WDR86: variants seen among roughly 807,000 people sequenced by gnomAD.
The protein encoded by WDR86 is WD repeat-containing protein 86.
A neutral mutation model predicts 36.5 loss-of-function variants in WDR86; 30 were observed. That is an observed-to-expected ratio of 0.82 (90% CI 0.61 to 1.11). WDR86 has a LOEUF of 1.11. Among genes scored for constraint, WDR86 ranks in the 50% most tolerant of loss-of-function variants. WDR86 has a pLI of 0.00. For synonymous variants in WDR86, 255 were observed against 252.9 expected, an observed-to-expected ratio of 1.01 and a Z score of -0.08; for missense variants, 545 against 561.2, an observed-to-expected ratio of 0.97 and a Z score of 0.29.
chr7:151,378,944 A>G (rs1261283482), downstream of WDR86, among the ~76,000 whole-genome samples: 6 of 152,228 alleles, frequency 3.9e-5, no homozygotes, highest in East Asian at 9.6e-4. Context: ...AGTTCTGGGC[A>G]TGCGCTATGT....
At chr7:151,408,164 T>C (rs1800862367) in intron 1 of WDR86, among the ~76,000 whole-genome samples, 1 of 151,656 alleles carries the variant, frequency 6.6e-6, no homozygotes, top group Non-Finnish European at 1.5e-5. Context: ...TTGAAATATC[T>C]GCCCTAACTA....
In WDR86 at chr7:151,385,163, C is replaced by G; in HGVS notation, c.787G>C (p.Asp263His). 3 of 1,613,198 alleles carry G rather than the reference C, an allele frequency of 1.9e-6. No homozygotes were observed. The highest frequency in any genetic ancestry group is 2.5e-6 in the Non-Finnish European group (3 of 1,179,880). ...AACGTGCGCACACACTCCCCTGTGT[C>G]TGCCAGCCAGCACTTGACGGTCCTG... ...ADRTVKCWLA[D>H]TGECVRTFTA... is the part of the protein sequence containing the mutation. Residue 263 changes from aspartate to histidine, a missense_variant, in exon 4 of 6, where the codon GAC becomes CAC. Transcript: ENST00000334493.
At chr7:151,398,636 T>C (rs1800064759) in intron 2 of WDR86, among the ~76,000 whole-genome samples, 1 of 151,872 alleles carries the variant, frequency 6.6e-6, no homozygotes, top group Non-Finnish European at 1.5e-5. Context: ...TGTGTATGAG[T>C]GTGTATGTAT....
exon 2 of WDR86, chr7:151,375,949 TGACAGGCCTTTGTGCCCTCA>T (rs1259630356): frequency 2.8e-5 from 44 of 1,592,770 alleles, no homozygotes; most frequent in Non-Finnish European, 3.6e-5. Context: ...ACCGAGTGAG[TGACAGGCCTTTGTGCCCTCA>T]GCTTGGACAG....
intron 3 of WDR86, among the ~76,000 whole-genome samples, chr7:151,389,605 C>T (rs796263190): frequency 2.6e-5 from 4 of 152,310 alleles, no homozygotes; most frequent in African/African-American, 9.6e-5. Flanking sequence ...GGGCCCAGGA[C>T]TCTTAAGGGC....
chr7:151,375,704 C>T (rs906437795), downstream of WDR86: 1 of 613,240 alleles, frequency 1.6e-6, no homozygotes, highest in South Asian at 1.8e-5. Context: ...CTTCTGTGAA[C>T]ACCAGCCTGA....
upstream of WDR86, chr7:151,410,151 G>A: frequency 1.1e-6 from 1 of 901,742 alleles, no homozygotes; most frequent in Non-Finnish European, 1.3e-6. Flanking sequence ...GTCGCTGTGC[G>A]GGTCCGGGGG....
At chr7:151,403,032 C>T (rs930080706) in intron 1 of WDR86, among the ~76,000 whole-genome samples, 4 of 152,226 alleles carry the variant, frequency 2.6e-5, no homozygotes, top group Non-Finnish European at 5.9e-5. Flanking sequence ...GTAGTATTTG[C>T]CCATAACCTA....
rs1263228872 is a variant in WDR86, at chr7:151,388,147, T to G, written c.727-2924A>C. Among the ~76,000 whole-genome samples the G allele has an allele frequency of 6.6e-6, 1 of 152,242 alleles. No homozygotes were observed. The highest frequency in any genetic ancestry group is 1.5e-5 in the Non-Finnish European group (1 of 68,046). ...AGAGACTGCCCCACGACATCCTTGC[T>G]GTGGTCCCCACCACCTCGGGCTCCC... On this transcript the variant is annotated intron_variant, in intron 3 of 5. Coordinates refer to ENST00000334493, the MANE Select transcript of WDR86 (RefSeq NM_198285.3). The surrounding 1 kb of genome is among the most constrained non-coding windows in gnomAD (Gnocchi z 4.2).
At chr7:151,398,705 G>A (rs113839660) in intron 2 of WDR86, among the ~76,000 whole-genome samples, 2 of 152,110 alleles carry the variant, frequency 1.3e-5, no homozygotes, top group African/African-American at 4.8e-5. Context: ...TATGTTGTGT[G>A]TGTGCGCACA....
intron 4 of WDR86, among the ~76,000 whole-genome samples, chr7:151,383,971 C>A (rs897127833): frequency 7.2e-5 from 11 of 152,180 alleles, no homozygotes; most frequent in African/African-American, 2.7e-4. Flanking sequence ...ATTAGAGGAC[C>A]CAGACTTGGG....
rs1800702306 is a variant in WDR86, at chr7:151,406,347, G to A, written c.163+3080C>T. ...TGCGAGACACCCAGGAAAGCCTGCG[G>A]TCCCTGATTGCCCCTGCTGCCATGA... On this transcript the variant is annotated intron_variant, in intron 1 of 5. Transcript: ENST00000334493. The surrounding 1 kb of genome is among the most constrained non-coding windows in gnomAD (Gnocchi z 4.4). Among the ~76,000 whole-genome samples the A allele has an allele frequency of 6.6e-6, 1 of 152,136 alleles. No individual in the cohort carries two copies. The highest frequency in any genetic ancestry group is 1.5e-5 in the Non-Finnish European group (1 of 68,026).
downstream of WDR86, chr7:151,376,717 C>A (rs913145471): frequency 6.2e-6 from 10 of 1,608,056 alleles, no homozygotes; most frequent in Non-Finnish European, 8.5e-6. Context: ...CCGCCCAGAC[C>A]CTTGCTCACA....
intron 3 of WDR86, among the ~76,000 whole-genome samples, chr7:151,386,664 A>G (rs1585003373): frequency 6.6e-6 from 1 of 152,200 alleles, no homozygotes; most frequent in South Asian, 2.1e-4. Flanking sequence ...TGCGGGCACC[A>G]GCAGGAAGGA....
intron 2 of WDR86, 132 bp downstream of exon 2, chr7:151,399,968 C>T (rs1215305496): frequency 3.6e-6 from 3 of 831,496 alleles, no homozygotes; most frequent in South Asian, 2.7e-5. Flanking sequence ...TGACCACCTC[C>T]CAGCTGTCCA....
downstream of WDR86, chr7:151,376,838 A>G (rs1318920687): frequency 1.3e-6 from 2 of 1,552,494 alleles, no homozygotes; most frequent in South Asian, 2.4e-5. Context: ...TGAGGGCCGC[A>G]TTGAGAGCAA....
chr7:151,381,639 G>C lies in WDR86; in HGVS notation c.1074C>G (p.Leu358=). The part of the protein sequence containing the change: ...APRPPPPMRS[L]SRLFSNKVGC... ...CCACCTTGTTGCTGAAGAGCCGCGAGAGGCTGCGCATGGGCGGAGGGGGCC... is the reference window on the plus strand; with the variant it reads ...CCACCTTGTTGCTGAAGAGCCGCGACAGGCTGCGCATGGGCGGAGGGGGCC... The change falls in exon 6 of 6, where the codon CTC becomes CTG. Residue 358 remains leucine (L), a synonymous_variant. Coordinates refer to ENST00000334493, the MANE Select transcript of WDR86 (RefSeq NM_198285.3). The surrounding 1 kb of genome is among the most constrained non-coding windows in gnomAD (Gnocchi z 4.8). 1 of 1,390,102 alleles carries C rather than the reference G, an allele frequency of 7.2e-7. No individual in the cohort carries two copies. Among genetic ancestry groups the C allele is most frequent in the Non-Finnish European group, 9.2e-7 (1 of 1,084,278 alleles). 86.1% of individuals were successfully genotyped at this position (1,390,102 alleles called of 1,614,324 possible).
At chr7:151,387,824 G>A (rs1799103496) in intron 3 of WDR86, among the ~76,000 whole-genome samples, 1 of 152,224 alleles carries the variant, frequency 6.6e-6, no homozygotes, top group African/African-American at 2.4e-5. Context: ...ACAGGCACGG[G>A]GCTTACAGAT....
At chr7:151,402,062 A>ATATAT (rs1247243641) in intron 1 of WDR86, among the ~76,000 whole-genome samples, 3 of 75,506 alleles carry the variant, frequency 4.0e-5, no homozygotes, top group African/African-American at 1.3e-4. Context: ...AAAAAAAAAA[A>ATATAT]AAAAAAAAAT....
Sources: gnomAD v4.1 joint callset for allele counts (sites outside exome capture counted in the v4.1 genomes callset) on GRCh38, gnomAD v4.1.1 for gene constraint, Gnocchi (gnomAD v3.1) non-coding constraint, MANE v1.5 for transcripts, NCBI Gene and HGNC (gene_info 2026-07-23, HGNC 2026-07-21) for gene names.